Variants in FBXL7 observed in about 807,000 individuals in gnomAD.
FBXL7 encodes F-box/LRR-repeat protein 7.
In FBXL7, 12 loss-of-function variants were observed where a neutral mutation model predicts 38.3. That is an observed-to-expected ratio of 0.31 (90% CI 0.20 to 0.51). The LOEUF (loss-of-function observed/expected upper bound fraction) is 0.51. FBXL7 is among the 20% of genes least tolerant of loss of function. FBXL7 has a pLI of 0.98. For missense variants in FBXL7, 567 were observed against 676.4 expected, an observed-to-expected ratio of 0.84 and a Z score of 1.79; for synonymous variants, 297 against 300.9, an observed-to-expected ratio of 0.99 and a Z score of 0.13.
chr5:15,771,048 T>TA (rs1433043510), intron 2 of FBXL7, among the ~76,000 whole-genome samples: 3 of 152,314 alleles, frequency 2.0e-5, no homozygotes, highest in African/African-American at 4.8e-5. Flanking sequence ...ATCCTCCTGT[T>TA]AGAGTTAGAA....
intron 1 of FBXL7, among the ~76,000 whole-genome samples, chr5:15,520,046 C>A (rs1251784626): frequency 6.6e-6 from 1 of 152,144 alleles, no homozygotes; most frequent in Non-Finnish European, 1.5e-5. Context: ...TCATGCTTCC[C>A]CTTTTTAGTC....
chr5:15,562,402 T>A (rs968061921), intron 1 of FBXL7, among the ~76,000 whole-genome samples: 2 of 152,130 alleles, frequency 1.3e-5, no homozygotes, highest in Non-Finnish European at 2.9e-5. Flanking sequence ...AAGGAACTTA[T>A]GTAACTCAAT....
At chr5:15,705,676 T>C (rs919676908) in intron 2 of FBXL7, among the ~76,000 whole-genome samples, 1 of 152,168 alleles carries the variant, frequency 6.6e-6, no homozygotes, top group African/African-American at 2.4e-5. Context: ...TTGACATTGT[T>C]GGATATTGAT....
intron 1 of FBXL7, among the ~76,000 whole-genome samples, chr5:15,573,630 A>T (rs1738863870): frequency 6.6e-6 from 1 of 152,144 alleles, no homozygotes; most frequent in South Asian, 2.1e-4. Context: ...AGGAAAAAAG[A>T]TGTTCTTGTT....
At chr5:15,519,192 A>C (rs924701902) in intron 1 of FBXL7, among the ~76,000 whole-genome samples, 28 of 152,066 alleles carry the variant, frequency 1.8e-4, no homozygotes, top group Non-Finnish European at 8.8e-5. Context: ...AAAAATAAAA[A>C]AATTAGCTGG....
chr5:15,502,124 G>A (rs1166048361), intron 1 of FBXL7, among the ~76,000 whole-genome samples: 1 of 152,072 alleles, frequency 6.6e-6, no homozygotes, highest in Non-Finnish European at 1.5e-5. Context: ...AAAGCTTTCA[G>A]GATATAATTG....
chr5:15,798,826 T>C (rs1342864431), intron 2 of FBXL7, among the ~76,000 whole-genome samples: 3 of 152,214 alleles, frequency 2.0e-5, no homozygotes, highest in Admixed American at 6.5e-5. Context: ...TGGTCGTCAT[T>C]ATATCAGAAG....
At chr5:15,843,302 C>G (rs1291511937) in intron 2 of FBXL7, among the ~76,000 whole-genome samples, 1 of 152,122 alleles carries the variant, frequency 6.6e-6, no homozygotes, top group Non-Finnish European at 1.5e-5. Flanking sequence ...TCTTCATAAC[C>G]CTTTCACCAC....
At chr5:15,604,056 A>T (rs1050880257) in intron 1 of FBXL7, among the ~76,000 whole-genome samples, 1 of 152,170 alleles carries the variant, frequency 6.6e-6, no homozygotes, top group Non-Finnish European at 1.5e-5. Flanking sequence ...GAAGCATTTG[A>T]ACTCGGAAGG....
intron 2 of FBXL7, among the ~76,000 whole-genome samples, chr5:15,850,827 T>A (rs1162040006): frequency 1.3e-5 from 2 of 152,202 alleles, no homozygotes; most frequent in Non-Finnish European, 2.9e-5. Flanking sequence ...TGATCTATGC[T>A]TTTGAGTTTT....
At chr5:15,751,715 G>A (rs767331383) in intron 2 of FBXL7, among the ~76,000 whole-genome samples, 2 of 152,294 alleles carry the variant, frequency 1.3e-5, no homozygotes, top group Non-Finnish European at 2.9e-5. Flanking sequence ...AGGGAGGGGT[G>A]CAAGGGGCAA....
intron 2 of FBXL7, among the ~76,000 whole-genome samples, chr5:15,733,116 G>A (rs1310926043): frequency 1.1e-5 from 1 of 89,154 alleles, no homozygotes; most frequent in East Asian, 4.1e-4. Flanking sequence ...TTTTTCTTGA[G>A]ACAGAGTCTC....
intron 1 of FBXL7, among the ~76,000 whole-genome samples, chr5:15,524,962 A>G (rs1580351527): frequency 6.6e-6 from 1 of 152,188 alleles, no homozygotes; most frequent in South Asian, 2.1e-4. Flanking sequence ...CCGCCCTACT[A>G]GGTTCAAAGT....
At chr5:15,707,179 T>TG (rs1176353311) in intron 2 of FBXL7, among the ~76,000 whole-genome samples, 1 of 138,330 alleles carries the variant, frequency 7.2e-6, no homozygotes, top group East Asian at 2.2e-4. Context: ...TTTTCGTTTT[T>TG]TTTTTTTTTT....
At chr5:15,618,389 T>C (rs1187309111) in intron 2 of FBXL7, among the ~76,000 whole-genome samples, 1 of 152,200 alleles carries the variant, frequency 6.6e-6, no homozygotes, top group Non-Finnish European at 1.5e-5. Flanking sequence ...AGTTCTGCTA[T>C]TTGTGTGTCT....
chr5:15,535,925 A>G (rs1428734651), intron 1 of FBXL7, among the ~76,000 whole-genome samples: 3 of 152,262 alleles, frequency 2.0e-5, no homozygotes, highest in Non-Finnish European at 4.4e-5. Flanking sequence ...AGCCCCTCCT[A>G]TCACAGGCCC....
At chr5:15,501,134 A>G (rs1561006818) in intron 1 of FBXL7, among the ~76,000 whole-genome samples, 1 of 151,838 alleles carries the variant, frequency 6.6e-6, no homozygotes, top group Non-Finnish European at 1.5e-5. Context: ...AGCAGAAAAA[A>G]CTTCTGGAAG....
chr5:15,789,064 G>T (rs1255938945), intron 2 of FBXL7, among the ~76,000 whole-genome samples: 2 of 151,822 alleles, frequency 1.3e-5, no homozygotes, highest in African/African-American at 2.4e-5. Flanking sequence ...GTTGGCCAGG[G>T]TTGTCTCTAT....
At chr5:15,501,106 C>T (rs1043745574) in intron 1 of FBXL7, among the ~76,000 whole-genome samples, 6 of 152,164 alleles carry the variant, frequency 3.9e-5, no homozygotes, top group Non-Finnish European at 5.9e-5. Context: ...TGTGCTCCAG[C>T]CCCCTGGACT....
Sources: allele counts gnomAD v4.1 joint callset (sites outside exome capture counted in the v4.1 genomes callset), GRCh38; gene constraint gnomAD v4.1.1; transcripts MANE v1.5; gene names NCBI Gene and HGNC (gene_info 2026-07-23, HGNC 2026-07-21).